DCPH1: variants seen among roughly 807,000 people sequenced by gnomAD.
DCPH1 encodes damage control phosphatase 1.
the DCPH1 span, among the ~76,000 whole-genome samples, chr6:151,463,041 A>T: frequency 1.3e-5 from 2 of 152,356 alleles, no homozygotes; most frequent in African/African-American, 2.4e-5. Flanking sequence ...AAGAAACTTT[A>T]TTCAGCGGAC....
chr6:151,453,410 T>C, the DCPH1 span, among the ~76,000 whole-genome samples: 1 of 152,192 alleles, frequency 6.6e-6, no homozygotes, highest in South Asian at 2.1e-4. Flanking sequence ...AAAATTCAAG[T>C]GACAGTTGAT....
At chr6:151,464,287 A>G in the DCPH1 span, among the ~76,000 whole-genome samples, 1 of 152,228 alleles carries the variant, frequency 6.6e-6, no homozygotes, top group Non-Finnish European at 1.5e-5. Context: ...ATTTTTGTGT[A>G]ATTTGATTAT....
the DCPH1 span, among the ~76,000 whole-genome samples, chr6:151,466,529 T>C: frequency 1.3e-5 from 2 of 152,336 alleles, no homozygotes; most frequent in Non-Finnish European, 2.9e-5. Flanking sequence ...AGCAACAGGT[T>C]AACGTTTCAA....
At chr6:151,466,901 A>C in the DCPH1 span, among the ~76,000 whole-genome samples, 1 of 152,180 alleles carries the variant, frequency 6.6e-6, no homozygotes, top group African/African-American at 2.4e-5. Flanking sequence ...TGGACACTTT[A>C]GTTATTATTT....
chr6:151,452,623 A>C, the DCPH1 span: 5 of 1,592,806 alleles, frequency 3.1e-6, no homozygotes, highest in East Asian at 2.4e-5. Context: ...TTTTGCGGAA[A>C]GCCGGGCCTC....
the DCPH1 span, among the ~76,000 whole-genome samples, chr6:151,459,127 ACT>A: frequency 6.6e-6 from 1 of 152,136 alleles, no homozygotes; most frequent in African/African-American, 2.4e-5. Context: ...CCGGAGTGAA[ACT>A]CTGTCTCAAT....
chr6:151,468,022 A>G, the DCPH1 span, among the ~76,000 whole-genome samples: 2 of 152,232 alleles, frequency 1.3e-5, no homozygotes, highest in Non-Finnish European at 2.9e-5. Context: ...CTCTCTTCAC[A>G]CATCCGATGA....
At chr6:151,461,107 A>T in the DCPH1 span, among the ~76,000 whole-genome samples, 4 of 152,218 alleles carry the variant, frequency 2.6e-5, no homozygotes, top group South Asian at 8.3e-4. Context: ...CCTGTCAAGG[A>T]CTGAGAGTAG....
chr6:151,452,582 G>A, the DCPH1 span: 3 of 1,610,474 alleles, frequency 1.9e-6, no homozygotes, highest in Non-Finnish European at 1.7e-6. Context: ...AGGACAGGAC[G>A]TGGGGTTAGT....
the DCPH1 span, among the ~76,000 whole-genome samples, chr6:151,453,523 A>G: frequency 6.6e-5 from 10 of 152,318 alleles, no homozygotes; most frequent in Non-Finnish European, 1.2e-4. Context: ...ATTAAAACCT[A>G]ATCACTGTTT....
the DCPH1 span, among the ~76,000 whole-genome samples, chr6:151,457,041 C>A: frequency 1.1e-4 from 16 of 152,274 alleles, no homozygotes; most frequent in East Asian, 3.1e-3. Context: ...CTTTCTGTCC[C>A]TTTTTCATGC....
chr6:151,453,058 A>G, the DCPH1 span, among the ~76,000 whole-genome samples: 1 of 152,168 alleles, frequency 6.6e-6, no homozygotes, highest in East Asian at 1.9e-4. Context: ...AATAACATCC[A>G]TTTGCATAAA....
At chr6:151,469,081 G>A in the DCPH1 span, 1 of 1,613,098 alleles carries the variant, frequency 6.2e-7, no homozygotes, top group Non-Finnish European at 8.5e-7. Flanking sequence ...TGGAAAATAT[G>A]GAATATTTCA....
At chr6:151,464,355 C>T in the DCPH1 span, 1 of 738,444 alleles carries the variant, frequency 1.4e-6, no homozygotes, top group Non-Finnish European at 2.2e-6. Flanking sequence ...TCTGTTAGCA[C>T]TGATTATTGA....
At chr6:151,462,063 T>C in the DCPH1 span, among the ~76,000 whole-genome samples, 6 of 152,242 alleles carry the variant, frequency 3.9e-5, no homozygotes, top group Non-Finnish European at 8.8e-5. Flanking sequence ...ATTTACCATT[T>C]TACACTGAAA....
the DCPH1 span, among the ~76,000 whole-genome samples, chr6:151,461,603 G>C: frequency 1.3e-5 from 2 of 152,178 alleles, no homozygotes; most frequent in African/African-American, 4.8e-5. Context: ...CCCAGGAGGT[G>C]GAGGTTGCAG....
the DCPH1 span, among the ~76,000 whole-genome samples, chr6:151,455,322 C>A: frequency 2.6e-5 from 4 of 152,250 alleles, no homozygotes; most frequent in South Asian, 8.3e-4. Flanking sequence ...ATAAGGGGAC[C>A]TGGGGAACCA....
chr6:151,458,519 G>T, the DCPH1 span: 25 of 1,612,234 alleles, frequency 1.6e-5, no homozygotes, highest in Non-Finnish European at 1.9e-5. Context: ...ACTCACCGTG[G>T]TTGTTGGTAG....
the DCPH1 span, among the ~76,000 whole-genome samples, chr6:151,457,459 A>G: frequency 1.3e-5 from 2 of 152,216 alleles, no homozygotes; most frequent in African/African-American, 4.8e-5. Flanking sequence ...TTGAAGTTTA[A>G]GACTTTAGGG....
Sources: allele counts gnomAD v4.1 joint callset (sites outside exome capture counted in the v4.1 genomes callset), GRCh38; gene constraint gnomAD v4.1.1; transcripts MANE v1.5; gene names NCBI Gene and HGNC (gene_info 2026-07-23, HGNC 2026-07-21).